The following RYR3 variants were observed in gnomAD, a reference collection of about 807,000 sequenced individuals.
RYR3 encodes the protein ryanodine receptor 3, also known as brain ryanodine receptor-calcium release channel.
RYR3 carries 207 observed loss-of-function variants against 584.3 expected under a neutral mutation model. That is an observed-to-expected ratio of 0.35 (90% confidence interval 0.32 to 0.40). The LOEUF is 0.40. Among genes scored for constraint, RYR3 ranks in the 10% least tolerant of loss-of-function variants. The pLI is 1.00. For synonymous variants in RYR3, 2,416 were observed against 2,248.5 expected, an observed-to-expected ratio of 1.07 and a Z score of -2.11; for missense variants, 5,616 against 6,089.2, an observed-to-expected ratio of 0.92 and a Z score of 2.59.
intron 16 of RYR3, among the ~76,000 whole-genome samples, chr15:33,598,290 C>CA (rs1400199824): frequency 4.0e-5 from 4 of 99,282 alleles, no homozygotes; most frequent in Non-Finnish European, 8.5e-5. Flanking sequence ...GAAAAACAAA[C>CA]AAAAAACCAA....
intron 10 of RYR3, among the ~76,000 whole-genome samples, chr15:33,562,111 C>T (rs1473131478): frequency 1.3e-5 from 2 of 152,162 alleles, no homozygotes; most frequent in Non-Finnish European, 2.9e-5. Context: ...AGTTACCATG[C>T]ATCAGAGGTC....
At chr15:33,638,456 G>A (rs1343522751) in intron 27 of RYR3, among the ~76,000 whole-genome samples, 1 of 152,238 alleles carries the variant, frequency 6.6e-6, no homozygotes, top group African/African-American at 2.4e-5. Context: ...AACTGGAAGA[G>A]GTTACTTGTC....
chr15:33,673,587 G>A (rs2063978328), intron 38 of RYR3, among the ~76,000 whole-genome samples: 2 of 152,004 alleles, frequency 1.3e-5, no homozygotes. Context: ...GTTCCTTCTG[G>A]CCAGTACTTT....
intron 3 of RYR3, among the ~76,000 whole-genome samples, chr15:33,506,671 T>C (rs1279907588): frequency 1.3e-5 from 2 of 152,190 alleles, no homozygotes; most frequent in Admixed American, 6.5e-5. Context: ...CTCCACAAAA[T>C]AGTTACCTGA....
At chr15:33,694,267 A>G (rs1014648541) in intron 38 of RYR3, among the ~76,000 whole-genome samples, 4 of 150,312 alleles carry the variant, frequency 2.7e-5, no homozygotes, top group Non-Finnish European at 4.4e-5. Flanking sequence ...TTTTTTCAAG[A>G]CGGAGTCTTG....
intron 2 of RYR3, among the ~76,000 whole-genome samples, chr15:33,476,286 T>C (rs1378085170): frequency 1.7e-4 from 26 of 152,200 alleles, no homozygotes; most frequent in Admixed American, 1.6e-3. Context: ...AAACGATAAG[T>C]CATACACTCA....
At chr15:33,564,754 C>A (rs1567548395) in intron 11 of RYR3, among the ~76,000 whole-genome samples, 1 of 152,142 alleles carries the variant, frequency 6.6e-6, no homozygotes, top group Admixed American at 6.5e-5. Flanking sequence ...CCTGGCCATG[C>A]CTTCTCTTCT....
intron 60 of RYR3, among the ~76,000 whole-genome samples, chr15:33,765,542 AG>A (rs2072947591): frequency 6.8e-6 from 1 of 147,938 alleles, no homozygotes; most frequent in Non-Finnish European, 1.5e-5. Context: ...CTGAGGCAGG[AG>A]AATCACTTGA....
At chr15:33,725,320 G>A (rs2068302518) in intron 45 of RYR3, among the ~76,000 whole-genome samples, 3 of 152,044 alleles carry the variant, frequency 2.0e-5, no homozygotes, top group Admixed American at 2.0e-4. Flanking sequence ...GCGGCACCAG[G>A]GTGCGTGGGC....
intron 38 of RYR3, among the ~76,000 whole-genome samples, chr15:33,681,405 A>AG (rs1381789623): frequency 6.6e-6 from 1 of 152,198 alleles, no homozygotes; most frequent in East Asian, 1.9e-4. Context: ...TGGACTTTCT[A>AG]GGGGAGAATA....
intron 1 of RYR3, among the ~76,000 whole-genome samples, chr15:33,325,301 C>T (rs1324455009): frequency 6.6e-6 from 1 of 152,182 alleles, no homozygotes; most frequent in African/African-American, 2.4e-5. Context: ...ACAGCAGATA[C>T]CAGCCCCCTC....
intron 102 of RYR3, 45 bp from the exon 103 acceptor site, chr15:33,864,093 T>TGGGTCTTGACCAGAG: frequency 6.9e-7 from 1 of 1,446,674 alleles, no homozygotes; most frequent in Non-Finnish European, 9.6e-7. Flanking sequence ...CGAATGAACT[T>TGGGTCTTGACCAGAG]GGGTCTTGAC....
Position 33,860,420 on chromosome 15 carries a change from C to G in RYR3, c.14300-175C>G, listed in dbSNP as rs539793754. Among the ~76,000 whole-genome samples the G allele has an allele frequency of 3.9e-5, 6 of 152,030 alleles. No homozygotes were observed. In the South Asian group the frequency reaches 6.2e-4, roughly 16 times the overall value. Reference sequence around the variant, plus strand: ...TGTAGAAAGGTAGAGTTAGGAGGAACAATGAGAAATTGTTAGCCAGGATGT... The same window carrying G: ...TGTAGAAAGGTAGAGTTAGGAGGAAGAATGAGAAATTGTTAGCCAGGATGT... On this transcript the variant is annotated intron_variant, in intron 100 of 103. Coordinates refer to ENST00000634891, the MANE Select transcript of RYR3 (RefSeq NM_001036.6).
chr15:33,658,528 T>C (rs979259892), intron 32 of RYR3, among the ~76,000 whole-genome samples: 1 of 152,220 alleles, frequency 6.6e-6, no homozygotes, highest in Non-Finnish European at 1.5e-5. Context: ...TGATGACCCA[T>C]TGGGGTCACC....
chr15:33,341,189 C>T (rs547468003), intron 1 of RYR3, among the ~76,000 whole-genome samples: 25 of 152,246 alleles, frequency 1.6e-4, no homozygotes, highest in Non-Finnish European at 2.9e-4. Flanking sequence ...CAGGTGCGCC[C>T]CACTGCACCC....
At chr15:33,477,575 T>TTAAAAA (rs372682334) in intron 2 of RYR3, among the ~76,000 whole-genome samples, 1 of 116,408 alleles carries the variant, frequency 8.6e-6, no homozygotes, top group African/African-American at 3.8e-5. Flanking sequence ...CTTGTTTTGT[T>TTAAAAA]AAAAAAAAAA....
At chr15:33,731,719 C>T in intron 48 of RYR3, 25 bp downstream of exon 48, 1 of 1,491,150 alleles carries the variant, frequency 6.7e-7, no homozygotes, top group South Asian at 1.2e-5. Flanking sequence ...TATGTTGTTA[C>T]TTCTGTGTAT....
chr15:33,338,170 C>T (rs1477720373), intron 1 of RYR3, among the ~76,000 whole-genome samples: 1 of 152,054 alleles, frequency 6.6e-6, no homozygotes, highest in Non-Finnish European at 1.5e-5. Context: ...TGATCTCGAT[C>T]TTCTGACCTT....
At chr15:33,552,579 A>G (rs2056766157) in intron 10 of RYR3, among the ~76,000 whole-genome samples, 1 of 152,202 alleles carries the variant, frequency 6.6e-6, no homozygotes, top group Non-Finnish European at 1.5e-5. Context: ...GGTAGTATTC[A>G]ACCTAGCTAC....
Sources: allele counts gnomAD v4.1 joint callset (sites outside exome capture counted in the v4.1 genomes callset), GRCh38; gene constraint gnomAD v4.1.1; transcripts MANE v1.5; gene names NCBI Gene and HGNC (gene_info 2026-07-23, HGNC 2026-07-21).